Variants in TNFRSF1B observed in about 807,000 individuals in gnomAD.
TNFRSF1B encodes TNF receptor superfamily member 1B, also known as tumor necrosis factor receptor superfamily member 1B.
In TNFRSF1B, 19 loss-of-function variants were observed where a neutral mutation model predicts 44.6. That is an observed-to-expected ratio of 0.43 (90% CI 0.30 to 0.62). The LOEUF is 0.62. Ranked by LOEUF, TNFRSF1B falls within the 20% of genes least tolerant of loss-of-function variation. TNFRSF1B has a pLI of 0.16. For synonymous variants in TNFRSF1B, 252 were observed against 261.1 expected (o/e 0.97, Z 0.34); for missense variants, 541 against 619.9 (o/e 0.87, Z 1.35).
chr1:12,191,574 C>T (rs1639131488), intron 3 of TNFRSF1B, 200 bp from the exon 4 acceptor site: 3 of 660,646 alleles, frequency 4.5e-6, no homozygotes, highest in Admixed American at 2.6e-5. Flanking sequence ...AGCGGGACTG[C>T]GGAGAGTAGC....
chr1:12,193,192 C>T lies in TNFRSF1B; in HGVS notation c.787+94C>T, dbSNP rs753626242. Reference sequence around the variant, plus strand: ...CTCCCATGGTTTTACTGAGAGCCCACGGGGGGCTGGACCCTGTGCCCTGTC... The same window carrying T: ...CTCCCATGGTTTTACTGAGAGCCCATGGGGGGCTGGACCCTGTGCCCTGTC... On this transcript the variant is annotated intron_variant, in intron 6 of 9. Transcript: ENST00000376259. The T allele has an allele frequency of 7.2e-5, 85 of 1,176,338 alleles. No homozygotes were observed. In the East Asian group the frequency reaches 1.5e-3, roughly 20 times the overall value. The allele number at this position is 1,176,338 out of a possible 1,614,324, so 72.9% of individuals were successfully genotyped here.
intron 9 of TNFRSF1B, among the ~76,000 whole-genome samples, chr1:12,205,777 A>T (rs1290151000): frequency 6.6e-6 from 1 of 150,660 alleles, no homozygotes; most frequent in African/African-American, 2.4e-5. Flanking sequence ...ACCTGCCACC[A>T]TACCCGGCTA....
At chr1:12,183,047 C>T (rs555337563) in intron 1 of TNFRSF1B, among the ~76,000 whole-genome samples, 3 of 152,344 alleles carry the variant, frequency 2.0e-5, no homozygotes, top group South Asian at 4.1e-4. Context: ...TGAGCACCTG[C>T]GAATGTCAGT....
At chr1:12,170,162 C>A (rs558464806) in intron 1 of TNFRSF1B, among the ~76,000 whole-genome samples, 3 of 150,322 alleles carry the variant, frequency 2.0e-5, no homozygotes, top group Admixed American at 2.0e-4. Flanking sequence ...TGGCCAGGCA[C>A]CCTGAGGCAG....
At chr1:12,198,691 G>GTTTT (rs60313758) in intron 8 of TNFRSF1B, among the ~76,000 whole-genome samples, 3 of 85,652 alleles carry the variant, frequency 3.5e-5, no homozygotes. Context: ...CTGGAATTCT[G>GTTTT]TTTTTTTTTT....
chr1:12,170,928 A>C (rs1638508218), intron 1 of TNFRSF1B, among the ~76,000 whole-genome samples: 1 of 151,592 alleles, frequency 6.6e-6, no homozygotes, highest in Non-Finnish European at 1.5e-5. Context: ...CTCCCGCCTC[A>C]GCCTCCCAAA....
intron 1 of TNFRSF1B, among the ~76,000 whole-genome samples, chr1:12,179,500 G>A (rs1638742679): frequency 1.3e-5 from 2 of 152,212 alleles, no homozygotes; most frequent in Non-Finnish European, 2.9e-5. Flanking sequence ...TTTCCTCTGT[G>A]TGGGGGTCCC....
intron 1 of TNFRSF1B, among the ~76,000 whole-genome samples, chr1:12,174,122 TTTCTTC>T (rs541359943): frequency 0.019 from 1,288 of 66,638 alleles, 1 homozygote; most frequent in Middle Eastern, 0.078. Context: ...TGAGACTCCA[TTTCTTC>T]TTCTTCTTCT....
In TNFRSF1B at chr1:12,167,004, CG is replaced by C; in HGVS notation, c.-87del. 9.7e-7 allele frequency: 1 copy of C among 1,025,928 alleles called. No homozygotes were observed. Among genetic ancestry groups the C allele is most frequent in the South Asian group, 3.8e-5 (1 of 26,232 alleles). The allele number at this position is 1,025,928 out of a possible 1,614,324, so 63.6% of individuals were successfully genotyped here. A position where few individuals can be genotyped will look rare whatever the true frequency, so the allele number is the denominator to read the frequency against. ...GCTTTCGCTTTCAGTCGAGGGCTAGCGAGCGCAGCGGAGCCTGGAGAGAAGG... is the reference window on the plus strand; with the variant it reads ...GCTTTCGCTTTCAGTCGAGGGCTAGCAGCGCAGCGGAGCCTGGAGAGAAGG... On this transcript the variant is annotated 5_prime_UTR_variant, in exon 1 of 10. Coordinates refer to ENST00000376259, the MANE Select transcript of TNFRSF1B (RefSeq NM_001066.3).
chr1:12,206,413 C>T (rs1028822897), intron 9 of TNFRSF1B, among the ~76,000 whole-genome samples: 1 of 151,580 alleles, frequency 6.6e-6, no homozygotes, highest in African/African-American at 2.4e-5. Context: ...GTTGCCCAGT[C>T]TGGTCTTGAA....
intron 1 of TNFRSF1B, among the ~76,000 whole-genome samples, chr1:12,183,020 A>T (rs1638845197): frequency 6.6e-6 from 1 of 152,238 alleles, no homozygotes; most frequent in South Asian, 2.1e-4. Flanking sequence ...AGCCTTGGGC[A>T]CACTGCTTTG....
At chr1:12,183,021 C>T (rs1638845247) in intron 1 of TNFRSF1B, among the ~76,000 whole-genome samples, 1 of 152,176 alleles carries the variant, frequency 6.6e-6, no homozygotes, top group Non-Finnish European at 1.5e-5. Flanking sequence ...GCCTTGGGCA[C>T]ACTGCTTTGT....
rs1334829456 is a variant in TNFRSF1B, at chr1:12,168,651, C to T, written c.78+1482C>T. On this transcript the variant is annotated intron_variant, in intron 1 of 9. Transcript: ENST00000376259. The surrounding 1 kb of genome is among the most constrained non-coding windows in gnomAD (Gnocchi z 4.7). ...CAGGGCTCAGCAGGACACCAGGCTG[C>T]AGTCCTGGAGTAGCTGGAGGAGGTT... 6.6e-6 allele frequency among the ~76,000 whole-genome samples: 1 copy of T among 152,112 alleles called. No individual in the cohort carries two copies. Among genetic ancestry groups the T allele is most frequent in the East Asian group, 1.9e-4 (1 of 5,194 alleles).
At chr1:12,194,125 G>A in intron 7 of TNFRSF1B, 93 bp downstream of exon 7, 1 of 1,032,088 alleles carries the variant, frequency 9.7e-7, no homozygotes, top group East Asian at 2.4e-5. Context: ...AGCCTTAGGG[G>A]TCAGACAGAG....
intron 1 of TNFRSF1B, among the ~76,000 whole-genome samples, chr1:12,181,437 C>G (rs1421514404): frequency 6.6e-6 from 1 of 152,086 alleles, no homozygotes; most frequent in Non-Finnish European, 1.5e-5. Flanking sequence ...TCACAAGAAC[C>G]CCTGGAGGAG....
intron 1 of TNFRSF1B, among the ~76,000 whole-genome samples, chr1:12,172,489 C>T (rs1405979670): frequency 6.6e-6 from 1 of 152,212 alleles, no homozygotes; most frequent in African/African-American, 2.4e-5. Flanking sequence ...CAGGTCTGAC[C>T]CGACTCTCTG....
chr1:12,171,411 ACTC>A lies in TNFRSF1B; in HGVS notation c.78+4248_78+4250del, dbSNP rs1407465144. Among the ~76,000 whole-genome samples the A allele has an allele frequency of 6.7e-6, 1 of 149,010 alleles. No individual in the cohort carries two copies. Among genetic ancestry groups the A allele is most frequent in the African/African-American group, 2.5e-5 (1 of 40,282 alleles). On this transcript the variant is annotated intron_variant, in intron 1 of 9. Coordinates refer to ENST00000376259, the MANE Select transcript of TNFRSF1B (RefSeq NM_001066.3). The surrounding 1 kb of genome is among the most constrained non-coding windows in gnomAD (Gnocchi z 4.5). ...ACTTGCTTTCCCCATCACCTCCAATACTCCTCCTGCTGACGTCTCTTGGTCTCC... is the reference window on the plus strand; with the variant it reads ...ACTTGCTTTCCCCATCACCTCCAATACTCCTGCTGACGTCTCTTGGTCTCC...
chr1:12,173,717 T>A (rs937601205), intron 1 of TNFRSF1B, among the ~76,000 whole-genome samples: 1 of 152,198 alleles, frequency 6.6e-6, no homozygotes, highest in Non-Finnish European at 1.5e-5. Context: ...TGCAGGCTGC[T>A]CTGACCCGGT....
At chr1:12,195,942 A>G (rs1186912420) in intron 8 of TNFRSF1B, among the ~76,000 whole-genome samples, 1 of 152,312 alleles carries the variant, frequency 6.6e-6, no homozygotes, top group East Asian at 1.9e-4. Context: ...TAGGAGTTCA[A>G]GACCAGCCTG....
Sources: allele counts gnomAD v4.1 joint callset (sites outside exome capture counted in the v4.1 genomes callset), GRCh38; gene constraint gnomAD v4.1.1; non-coding constraint Gnocchi (gnomAD v3.1); transcripts MANE v1.5; gene names NCBI Gene and HGNC (gene_info 2026-07-23, HGNC 2026-07-21).